The following NXPH1 variants were observed in gnomAD, a reference collection of about 807,000 sequenced individuals.
The protein encoded by NXPH1 is neurexophilin-1.
Under a neutral mutation model 23.7 loss-of-function variants are expected in NXPH1, and 5 were observed. The observed-to-expected ratio is 0.21, with a 90% confidence interval of 0.11 to 0.44. NXPH1 has a LOEUF of 0.44. NXPH1 is among the 20% of genes least tolerant of loss of function. NXPH1 has a pLI of 0.99. For synonymous variants in NXPH1, 144 were observed against 122.2 expected, an observed-to-expected ratio of 1.18 and a Z score of -1.18; for missense variants, 324 against 321.6, an observed-to-expected ratio of 1.01 and a Z score of -0.06.
At chr7:8,561,516 C>A (rs996057016) in intron 2 of NXPH1, among the ~76,000 whole-genome samples, 2 of 151,622 alleles carry the variant, frequency 1.3e-5, no homozygotes, top group Non-Finnish European at 3.0e-5. Context: ...CTGAGAGACG[C>A]CCTGAGACAT....
intron 2 of NXPH1, among the ~76,000 whole-genome samples, chr7:8,451,371 C>T (rs1187657707): frequency 6.6e-6 from 1 of 152,126 alleles, no homozygotes; most frequent in African/African-American, 2.4e-5. Context: ...CTGGAGACAC[C>T]TGTCAGCCGC....
chr7:8,721,734 T>G (rs1383927627), intron 2 of NXPH1, among the ~76,000 whole-genome samples: 1 of 152,188 alleles, frequency 6.6e-6, no homozygotes, highest in Non-Finnish European at 1.5e-5. Flanking sequence ...GCTGAGATTG[T>G]GCCACGCACT....
At chr7:8,740,155 G>T (rs949303449) in intron 2 of NXPH1, among the ~76,000 whole-genome samples, 2 of 152,114 alleles carry the variant, frequency 1.3e-5, no homozygotes, top group Non-Finnish European at 1.5e-5. Flanking sequence ...CTCCTTCAGG[G>T]TTTCATAACC....
intron 2 of NXPH1, among the ~76,000 whole-genome samples, chr7:8,656,875 T>A (rs929121763): frequency 6.6e-6 from 1 of 152,228 alleles, no homozygotes; most frequent in Admixed American, 6.5e-5. Context: ...ATGTTTAAAC[T>A]GAGGATTGTC....
At chr7:8,653,986 A>G (rs913291008) in intron 2 of NXPH1, among the ~76,000 whole-genome samples, 3 of 152,174 alleles carry the variant, frequency 2.0e-5, no homozygotes, top group Non-Finnish European at 4.4e-5. Flanking sequence ...TCATGTGTGG[A>G]AGTTCAGAGA....
intron 2 of NXPH1, among the ~76,000 whole-genome samples, chr7:8,513,218 A>T (rs1817638179): frequency 6.6e-6 from 1 of 152,104 alleles, no homozygotes; most frequent in African/African-American, 2.4e-5. Context: ...GTGGATGAGG[A>T]TGCAAAAGGA....
chr7:8,565,453 A>G (rs1370578902), intron 2 of NXPH1, among the ~76,000 whole-genome samples: 1 of 151,698 alleles, frequency 6.6e-6, no homozygotes, highest in Non-Finnish European at 1.5e-5. Flanking sequence ...TCAAGAGCTT[A>G]TGCAATCCTT....
In NXPH1 at chr7:8,507,287, A is replaced by T. The variant is rs1207153184; in HGVS notation, c.54+71520A>T. On this transcript the variant is annotated intron_variant, in intron 2 of 2. Coordinates refer to ENST00000405863, the MANE Select transcript of NXPH1 (RefSeq NM_152745.3). ...ATACATTAGGGCATGGAACACAAAG[A>T]TGAAGAATTTGAAGGTGAAGGGGTA... Among the ~76,000 whole-genome samples the T allele has an allele frequency of 4.0e-5, 6 of 151,870 alleles. 1 individual carries two copies. The highest frequency in any genetic ancestry group is 1.5e-4 in the African/African-American group (6 of 41,234).
intron 2 of NXPH1, among the ~76,000 whole-genome samples, chr7:8,707,460 C>A (rs1779722210): frequency 6.6e-6 from 1 of 152,160 alleles, no homozygotes; most frequent in Non-Finnish European, 1.5e-5. Flanking sequence ...GCTATTATTG[C>A]ATCCTGTCCT....
intron 2 of NXPH1, among the ~76,000 whole-genome samples, chr7:8,526,375 C>G (rs752851581): frequency 6.6e-5 from 10 of 152,144 alleles, no homozygotes; most frequent in Non-Finnish European, 1.5e-4. Context: ...AGGGACTTGA[C>G]TTGTCTTAGA....
rs1410540954 is a variant in NXPH1 at position 8,488,788 on chromosome 7, A to C, written c.54+53021A>C. On this transcript the variant is annotated intron_variant, in intron 2 of 2. Transcript: ENST00000405863. Reference sequence around the variant, plus strand: ...CTCATGTCAAAGCTTCTGAGGGTTAAATGAGATAATCTCTGTATCAGACTG... The same window carrying C: ...CTCATGTCAAAGCTTCTGAGGGTTACATGAGATAATCTCTGTATCAGACTG... 3.3e-5 allele frequency among the ~76,000 whole-genome samples: 5 copies of C among 152,126 alleles called. No individual in the cohort carries two copies. The South Asian group carries it at 1.0e-3, about 31-fold the overall frequency.
chr7:8,506,093 T>G (rs2128613247), intron 2 of NXPH1, among the ~76,000 whole-genome samples: 1 of 151,758 alleles, frequency 6.6e-6, no homozygotes, highest in South Asian at 2.1e-4. Flanking sequence ...CTTGAGGAAC[T>G]TAGAGAGATT....
intron 2 of NXPH1, among the ~76,000 whole-genome samples, chr7:8,616,061 A>T (rs1193607354): frequency 6.6e-6 from 1 of 152,038 alleles, no homozygotes; most frequent in Non-Finnish European, 1.5e-5. Context: ...AATCCCTCTC[A>T]TCATGACTTC....
At chr7:8,625,194 G>T (rs971089773) in intron 2 of NXPH1, among the ~76,000 whole-genome samples, 1 of 152,070 alleles carries the variant, frequency 6.6e-6, no homozygotes, top group Non-Finnish European at 1.5e-5. Context: ...ATGGTCAATA[G>T]ATACATCCAT....
intron 2 of NXPH1, among the ~76,000 whole-genome samples, chr7:8,733,865 G>C (rs1780200440): frequency 6.6e-6 from 1 of 152,160 alleles, no homozygotes; most frequent in Non-Finnish European, 1.5e-5. Flanking sequence ...TTGCTGTGCA[G>C]AAACTCTTTA....
At chr7:8,662,666 G>A (rs12702761) in intron 2 of NXPH1, among the ~76,000 whole-genome samples, 1 of 151,732 alleles carries the variant, frequency 6.6e-6, no homozygotes, top group African/African-American at 2.4e-5. Flanking sequence ...GAGAAGTGAC[G>A]AAAGTCAGAT....
intron 2 of NXPH1, among the ~76,000 whole-genome samples, chr7:8,673,362 T>C (rs1820898689): frequency 6.6e-6 from 1 of 152,180 alleles, no homozygotes; most frequent in African/African-American, 2.4e-5. Context: ...AGATATAAGT[T>C]GAGGATGGAT....
intron 2 of NXPH1, among the ~76,000 whole-genome samples, chr7:8,461,801 C>A (rs1278840854): frequency 7.7e-6 from 1 of 129,224 alleles, no homozygotes; most frequent in East Asian, 2.6e-4. Flanking sequence ...CTGCAGTCCG[C>A]AGTCCGGCCT....
At chr7:8,742,657 A>G (rs1780387319) in intron 2 of NXPH1, among the ~76,000 whole-genome samples, 1 of 148,778 alleles carries the variant, frequency 6.7e-6, no homozygotes, top group Non-Finnish European at 1.5e-5. Context: ...TAGGAACAAT[A>G]TATACCAAAA....
Sources: gnomAD v4.1 joint callset for allele counts (sites outside exome capture counted in the v4.1 genomes callset) on GRCh38, gnomAD v4.1.1 for gene constraint, MANE v1.5 for transcripts, NCBI Gene and HGNC (gene_info 2026-07-23, HGNC 2026-07-21) for gene names.